Variants in KMT2C observed in about 807,000 individuals in gnomAD.
KMT2C encodes the protein histone-lysine N-methyltransferase 2C.
A neutral mutation model predicts 507.9 loss-of-function variants in KMT2C; 88 were observed. The observed-to-expected ratio is 0.17, with a 90% CI of 0.15 to 0.21. KMT2C has a LOEUF of 0.21. Ranked by LOEUF, KMT2C falls within the 10% of genes least tolerant of loss-of-function variation. The pLI is 1.00. For synonymous variants in KMT2C, 2,049 were observed against 2,080.8 expected (o/e 0.98, Z 0.42); for missense variants, 4,954 against 5,957.8 (o/e 0.83, Z 5.55).
chr7:152,288,551 A>T (rs113237796), intron 6 of KMT2C, among the ~76,000 whole-genome samples: 2 of 151,410 alleles, frequency 1.3e-5, no homozygotes. Flanking sequence ...TAAATAAATA[A>T]ATATTTTTTT....
intron 2 of KMT2C, among the ~76,000 whole-genome samples, chr7:152,342,986 T>C (rs990714690): frequency 6.6e-6 from 1 of 151,634 alleles, no homozygotes; most frequent in Non-Finnish European, 1.5e-5. Flanking sequence ...GGAGGAAGAG[T>C]AAAAAATTCA....
chr7:152,348,383 G>C (rs1459865417), intron 2 of KMT2C, among the ~76,000 whole-genome samples: 1 of 151,564 alleles, frequency 6.6e-6, no homozygotes, highest in East Asian at 1.9e-4. Flanking sequence ...GATCACCTGA[G>C]GTCAGGAGTT....
chr7:152,208,226 T>C (rs1436419230), intron 23 of KMT2C, among the ~76,000 whole-genome samples: 1 of 152,208 alleles, frequency 6.6e-6, no homozygotes, highest in Non-Finnish European at 1.5e-5. Context: ...CTTGTAAACT[T>C]TCCAGCTTCA....
Position 152,155,913 on chromosome 7 carries a change from A to T in KMT2C, c.11957T>A (p.Leu3986Ter). The change falls in exon 46 of 59, where the codon TTA becomes TAA. Residue 3986 changes from leucine to a stop codon, truncating the protein, a stop_gained. Transcript: ENST00000262189. LOFTEE classifies it high-confidence loss of function. Reference sequence around the variant, plus strand: ...TTGAGAAAAAAATAACCTGTACCTTAATTCTTCCTGATTGTTATGAGGTGG... The same window carrying T: ...TTGAGAAAAAAATAACCTGTACCTTTATTCTTCCTGATTGTTATGAGGTGG... ...PTPPHNNQEE[L>*]RIQDHCGDRD... is the part of the protein sequence containing the mutation. 1 of 1,594,536 alleles carries T rather than the reference A, an allele frequency of 6.3e-7. No homozygotes were observed. Among genetic ancestry groups the T allele is most frequent in the Middle Eastern group, 1.7e-4 (1 of 6,020 alleles).
At chr7:152,314,730 T>G (rs2096707717) in intron 4 of KMT2C, among the ~76,000 whole-genome samples, 1 of 152,160 alleles carries the variant, frequency 6.6e-6, no homozygotes, top group Admixed American at 6.5e-5. Context: ...TTTGCTATTG[T>G]ATTATGTTAT....
In KMT2C at chr7:152,139,666, G is replaced by C. The variant is rs2090301122; in HGVS notation, c.14460+9C>G. 1 of 1,577,026 alleles carries C rather than the reference G, an allele frequency of 6.3e-7. No homozygotes were observed. The highest frequency in any genetic ancestry group is 1.7e-4 in the Middle Eastern group (1 of 5,978). On this transcript the variant is annotated intron_variant, in intron 56 of 58. Coordinates refer to ENST00000262189, the MANE Select transcript of KMT2C (RefSeq NM_170606.3). ...GCTGTGTATACAATCTCGGGGACCA[G>C]ACACCTACCTGAGACTCATAAAGCT...
At chr7:152,330,148 AAGGG>A (rs2096867612) in intron 3 of KMT2C, among the ~76,000 whole-genome samples, 1 of 38,654 alleles carries the variant, frequency 2.6e-5, no homozygotes, top group Admixed American at 4.0e-4. Flanking sequence ...ATCTCAAAAA[AAGGG>A]AGGGGGGGAG....
At chr7:152,301,683 T>C (rs1465153084) in intron 6 of KMT2C, among the ~76,000 whole-genome samples, 1 of 152,032 alleles carries the variant, frequency 6.6e-6, no homozygotes, top group Non-Finnish European at 1.5e-5. Flanking sequence ...ATGCTATCTC[T>C]TAAAAACAGA....
At chr7:152,378,360 G>A (rs62495478) in intron 1 of KMT2C, among the ~76,000 whole-genome samples, 2 of 149,696 alleles carry the variant, frequency 1.3e-5, no homozygotes, top group South Asian at 4.2e-4. Context: ...TCACTGCTGG[G>A]ATCAGTCAGC....
rs191342693 is a variant in KMT2C at position 152,170,911 on chromosome 7, A to G, written c.9453+353T>C. Among the ~76,000 whole-genome samples, 20 of 152,304 alleles carry G rather than the reference A, an allele frequency of 1.3e-4. No homozygotes were observed. The East Asian group carries it at 2.7e-3, about 21-fold the overall frequency. The stretch of plus-strand genomic sequence containing the variant: ...TTAAAAATAAGTAAATAAAAATAAA[A>G]CCAAAAGTCCTGAGCGTGTGGTTTT... On this transcript the variant is annotated intron_variant, in intron 40 of 58. Coordinates refer to ENST00000262189, the MANE Select transcript of KMT2C (RefSeq NM_170606.3).
intron 14 of KMT2C, among the ~76,000 whole-genome samples, chr7:152,246,070 T>A (rs1192349308): frequency 1.3e-5 from 2 of 152,200 alleles, no homozygotes; most frequent in Admixed American, 1.3e-4. Context: ...ATTTCTAATA[T>A]ACGGATATAC....
At chr7:152,327,941 G>C (rs937548251) in intron 3 of KMT2C, among the ~76,000 whole-genome samples, 20 of 136,024 alleles carry the variant, frequency 1.5e-4, no homozygotes, top group Admixed American at 4.2e-4. Context: ...CTGGGCAACA[G>C]AGCGAGACTC....
At chr7:152,153,910 T>A in intron 48 of KMT2C, 100 bp downstream of exon 48, 1 of 1,202,686 alleles carries the variant, frequency 8.3e-7, no homozygotes, top group Non-Finnish European at 1.2e-6. Context: ...CCCTTTATCC[T>A]CAGTGATCCT....
intron 27 of KMT2C, among the ~76,000 whole-genome samples, chr7:152,196,412 TAGAAATTCCATATGGAGCACAAGCC>T (rs555506695): frequency 0.029 from 4,442 of 152,240 alleles, 223 homozygotes; most frequent in African/African-American, 0.1. Flanking sequence ...TGTCACTCTT[TAGAAATTCCATATGGAGCACAAGCC>T]AGAAATTCCA....
intron 6 of KMT2C, among the ~76,000 whole-genome samples, chr7:152,277,726 G>A (rs954180097): frequency 3.3e-5 from 5 of 151,838 alleles, no homozygotes; most frequent in East Asian, 1.9e-4. Flanking sequence ...AAGAAGAATC[G>A]GGCATCAGTT....
At chr7:152,265,311 A>C (rs1339964141) in intron 7 of KMT2C, 102 bp from the exon 8 acceptor site, 223 of 1,515,370 alleles carry the variant, frequency 1.5e-4, no homozygotes, top group Middle Eastern at 8.7e-4. Context: ...TGAACCTTTC[A>C]GACATTTGAA....
chr7:152,136,932 C>T lies in KMT2C; in HGVS notation c.14644-8G>A, dbSNP rs373607948. The T allele has an allele frequency of 4.1e-5, 66 of 1,605,572 alleles. No homozygotes were observed. The highest frequency in any genetic ancestry group is 3.4e-4 in the South Asian group (31 of 90,902). ...CTTATAGTCATAGCAGAGCTGCCCA[C>T]GGCAAAGACACAGGGTAAGAAAGGA... On this transcript the variant is annotated splice_polypyrimidine_tract_variant and splice_region_variant and intron_variant, in intron 58 of 58. Coordinates refer to ENST00000262189, the MANE Select transcript of KMT2C (RefSeq NM_170606.3).
rs1381665445 is a variant in KMT2C at position 152,181,673 on chromosome 7, C to A, written c.6187G>T (p.Ala2063Ser). The change falls in exon 36 of 59, where the codon GCA (alanine) becomes TCA (serine). Residue 2063 changes from alanine to serine, a missense_variant. This residue lies in a region of KMT2C where 1,689 missense variants were observed against 1,654.3 expected (regional missense o/e 1.02). Coordinates refer to ENST00000262189, the MANE Select transcript of KMT2C (RefSeq NM_170606.3). ...GGGTCAACAGACAATCGCCTTGATGCCTGTGACACTGATCCATAAGGATCC... is the reference window on the plus strand; with the variant it reads ...GGGTCAACAGACAATCGCCTTGATGACTGTGACACTGATCCATAAGGATCC... Reference protein sequence around the residue: ...SQDPYGSVSQASRRLSVDPYE... With the variant: ...SQDPYGSVSQSSRRLSVDPYE... 1 of 1,613,982 alleles carries A rather than the reference C, an allele frequency of 6.2e-7. No homozygotes were observed. Among genetic ancestry groups the A allele is most frequent in the South Asian group, 1.1e-5 (1 of 91,066 alleles).
At chr7:152,367,134 A>C (rs2097253766) in intron 1 of KMT2C, 19 of 1,141,074 alleles carry the variant, frequency 1.7e-5, no homozygotes, top group Non-Finnish European at 2.4e-5. Context: ...TCTCCTAGAA[A>C]TCTAGCACTG....
Sources: allele counts gnomAD v4.1 joint callset (sites outside exome capture counted in the v4.1 genomes callset), GRCh38; gene constraint gnomAD v4.1.1; regional missense constraint gnomAD v4.1.1; transcripts MANE v1.5; gene names NCBI Gene and HGNC (gene_info 2026-07-23, HGNC 2026-07-21).